GADL1: variants seen among roughly 807,000 people sequenced by gnomAD.
GADL1 encodes acidic amino acid decarboxylase GADL1.
A neutral mutation model predicts 69.5 loss-of-function variants in GADL1; 71 were observed. The ratio of observed to expected loss-of-function variants is 1.02; its 90% CI spans 0.84 to 1.25. The LOEUF is 1.25. GADL1 is among the 50% of genes most tolerant of loss of function. The pLI is 0.00. For synonymous variants in GADL1, 254 were observed against 214.4 expected, an observed-to-expected ratio of 1.18 and a Z score of -1.62; for missense variants, 737 against 631.8, an observed-to-expected ratio of 1.17 and a Z score of -1.79.
intron 14 of GADL1, among the ~76,000 whole-genome samples, chr3:30,741,006 T>TA: frequency 1.1e-5 from 1 of 90,002 alleles, no homozygotes; most frequent in African/African-American, 8.4e-5. Flanking sequence ...TATTAATATA[T>TA]ATTATATATT....
At chr3:30,883,061 C>T (rs574460334) in intron 1 of GADL1, among the ~76,000 whole-genome samples, 114 of 151,794 alleles carry the variant, frequency 7.5e-4, no homozygotes, top group Admixed American at 6.0e-3. Context: ...CAATATTATC[C>T]GACGTATTAT....
rs1444109336 is a variant in GADL1, at chr3:30,784,174, C to T, written c.1302+2181G>A. 2.0e-5 allele frequency among the ~76,000 whole-genome samples: 3 copies of T among 152,162 alleles called. No individual in the cohort carries two copies. In the East Asian group the frequency reaches 5.8e-4, roughly 29 times the overall value. On this transcript the variant is annotated intron_variant, in intron 13 of 14. Transcript: ENST00000282538. ...ATGTTTATAATGCCATTATGCCTCA[C>T]AAAATTGACAATTCCTTGACACCAT... is the stretch of plus-strand genomic sequence containing the variant.
chr3:30,789,794 C>T (rs2125501443), intron 12 of GADL1, among the ~76,000 whole-genome samples: 1 of 152,290 alleles, frequency 6.6e-6, no homozygotes, highest in Middle Eastern at 3.4e-3. Context: ...TTCCAACTTT[C>T]CTTATTCATC....
intron 13 of GADL1, among the ~76,000 whole-genome samples, chr3:30,783,605 G>T (rs1215779614): frequency 6.6e-6 from 1 of 151,870 alleles, no homozygotes; most frequent in East Asian, 1.9e-4. Flanking sequence ...AACTTTATAT[G>T]TGACATTCAG....
Position 30,829,336 on chromosome 3 carries a change from T to C in GADL1, c.1050+4517A>G, listed in dbSNP as rs147200745. 2.0e-5 allele frequency among the ~76,000 whole-genome samples: 3 copies of C among 152,034 alleles called. No individual in the cohort carries two copies. The East Asian group carries it at 5.8e-4, about 30-fold the overall frequency. On this transcript the variant is annotated intron_variant, in intron 11 of 14. Coordinates refer to ENST00000282538, the MANE Select transcript of GADL1 (RefSeq NM_207359.3). The stretch of plus-strand genomic sequence containing the variant: ...ATTTACTAACACAGGAAATTAAAAA[T>C]GCAAAAACTACCAGTCAATCAGGAA...
intron 1 of GADL1, among the ~76,000 whole-genome samples, chr3:30,887,835 A>G (rs1698730107): frequency 1.3e-5 from 2 of 152,228 alleles, no homozygotes; most frequent in African/African-American, 4.8e-5. Flanking sequence ...CTAAATTGTT[A>G]TAACTAGCAA....
intron 13 of GADL1, among the ~76,000 whole-genome samples, chr3:30,780,752 G>T (rs1021950313): frequency 6.6e-6 from 1 of 152,184 alleles, no homozygotes; most frequent in Admixed American, 6.5e-5. Flanking sequence ...TTTTAGAATG[G>T]AATGGCTTCA....
intron 14 of GADL1, among the ~76,000 whole-genome samples, chr3:30,731,134 G>C (rs6809072): frequency 0.045 from 6,893 of 152,270 alleles, 453 homozygotes; most frequent in African/African-American, 0.13. Context: ...CAAATGTCTA[G>C]CTAGAAGGGC....
intron 14 of GADL1, among the ~76,000 whole-genome samples, chr3:30,753,291 A>G (rs1695878189): frequency 6.6e-6 from 1 of 151,834 alleles, no homozygotes; most frequent in Non-Finnish European, 1.5e-5. Context: ...GTTTTCTGAC[A>G]TTTATTCCTT....
chr3:30,874,453 G>A (rs1012394422), intron 1 of GADL1, among the ~76,000 whole-genome samples: 1 of 151,944 alleles, frequency 6.6e-6, no homozygotes, highest in Non-Finnish European at 1.5e-5. Flanking sequence ...AACCATCTAG[G>A]ATATGGGCCA....
At chr3:30,813,803 T>G (rs1697406360) in intron 11 of GADL1, among the ~76,000 whole-genome samples, 1 of 152,260 alleles carries the variant, frequency 6.6e-6, no homozygotes, top group African/African-American at 2.4e-5. Context: ...CAGTCCTATT[T>G]AAAACTATCC....
intron 12 of GADL1, chr3:30,799,555 T>C (rs1206189599): frequency 6.6e-6 from 1 of 152,190 alleles, no homozygotes; most frequent in African/African-American, 2.4e-5. Flanking sequence ...ACCTATGACA[T>C]GCCCTGGAGA....
intron 14 of GADL1, among the ~76,000 whole-genome samples, chr3:30,742,195 A>G (rs187681444): frequency 3.3e-5 from 5 of 152,290 alleles, no homozygotes; most frequent in Admixed American, 6.5e-5. Flanking sequence ...CTGACACACA[A>G]AATCCATGAG....
At chr3:30,846,704 TC>T (rs1698064864) in intron 6 of GADL1, among the ~76,000 whole-genome samples, 1 of 152,014 alleles carries the variant, frequency 6.6e-6, no homozygotes, top group Non-Finnish European at 1.5e-5. Context: ...CTGGTTTAAT[TC>T]CCCAAGAGGC....
At chr3:30,820,872 T>A (rs931432733) in intron 11 of GADL1, among the ~76,000 whole-genome samples, 1 of 151,668 alleles carries the variant, frequency 6.6e-6, no homozygotes, top group Non-Finnish European at 1.5e-5. Flanking sequence ...CACATGCACA[T>A]GTATGTTTAT....
At chr3:30,883,247 CTT>C (rs933380962) in intron 1 of GADL1, among the ~76,000 whole-genome samples, 49 of 152,048 alleles carry the variant, frequency 3.2e-4, no homozygotes, top group Non-Finnish European at 5.6e-4. Context: ...AAGGCTTTCT[CTT>C]TTTGTTTCCT....
At chr3:30,845,995 G>C (rs1698046327) in intron 6 of GADL1, among the ~76,000 whole-genome samples, 1 of 151,506 alleles carries the variant, frequency 6.6e-6, no homozygotes, top group Admixed American at 6.6e-5. Flanking sequence ...GAAAAGTGGA[G>C]CTATCTTTAA....
intron 11 of GADL1, among the ~76,000 whole-genome samples, chr3:30,810,606 G>A (rs989439508): frequency 6.2e-4 from 94 of 152,074 alleles, no homozygotes; most frequent in African/African-American, 2.2e-3. Flanking sequence ...TACGTAATAA[G>A]TTATCAAAGA....
intron 11 of GADL1, among the ~76,000 whole-genome samples, chr3:30,818,891 C>T (rs1697521995): frequency 6.6e-6 from 1 of 152,120 alleles, no homozygotes; most frequent in Admixed American, 6.6e-5. Context: ...CTCTGAATGT[C>T]AGATCACTTG....
Sources: allele counts gnomAD v4.1 joint callset (sites outside exome capture counted in the v4.1 genomes callset), GRCh38; gene constraint gnomAD v4.1.1; transcripts MANE v1.5; gene names NCBI Gene and HGNC (gene_info 2026-07-23, HGNC 2026-07-21).